CNTNAP3B: variants seen among roughly 807,000 people sequenced by gnomAD.
The protein encoded by CNTNAP3B is contactin-associated protein-like 3B.
CNTNAP3B carries 25 observed loss-of-function variants against 108.9 expected under a neutral mutation model. The observed-to-expected ratio is 0.23, with a 90% CI of 0.17 to 0.32. The LOEUF is 0.32. CNTNAP3B is among the 10% of genes least tolerant of loss of function. The pLI is 1.00. For missense variants in CNTNAP3B, 252 were observed against 1,210.4 expected, an observed-to-expected ratio of 0.21 and a Z score of 11.75; for synonymous variants, 103 against 473.4, an observed-to-expected ratio of 0.22 and a Z score of 10.16.
chr9:42,011,955 G>A (rs1474297651), intron 4 of CNTNAP3B, among the ~76,000 whole-genome samples: 1 of 97,676 alleles, frequency 1.0e-5, no homozygotes, highest in Non-Finnish European at 2.2e-5. Context: ...GTCCCTTACA[G>A]CCAACAGCAT....
At chr9:41,915,875 G>A (rs920100861) in intron 18 of CNTNAP3B, among the ~76,000 whole-genome samples, 70 of 151,164 alleles carry the variant, frequency 4.6e-4, no homozygotes, top group African/African-American at 1.6e-3. Context: ...TATACTTCAT[G>A]ACAATGTTTT....
chr9:42,116,094 C>G (rs1391866784), intron 1 of CNTNAP3B, among the ~76,000 whole-genome samples: 1 of 139,368 alleles, frequency 7.2e-6, no homozygotes, highest in East Asian at 2.2e-4. Context: ...AGTAGCCAAT[C>G]CGATCAACTG....
At chr9:42,121,283 T>A (rs1293928072) in intron 1 of CNTNAP3B, among the ~76,000 whole-genome samples, 5 of 139,084 alleles carry the variant, frequency 3.6e-5, no homozygotes, top group Non-Finnish European at 6.2e-5. Flanking sequence ...TTTGGTGGAT[T>A]TTTCTTCTCT....
In CNTNAP3B at chr9:42,090,883, G is replaced by A. The variant is rs1215429454; in HGVS notation, c.196+13746C>T. ...CACACACACATACATTCAGCTTCAG[G>A]AAAACTGGTGCCATTACATAAAATA... On this transcript the variant is annotated intron_variant, in intron 2 of 23. Coordinates refer to ENST00000377561, the MANE Select transcript of CNTNAP3B (RefSeq NM_001201380.3). Among the ~76,000 whole-genome samples, 7 of 83,724 alleles carry A rather than the reference G, an allele frequency of 8.4e-5. 1 individual carries two copies. The Admixed American group carries it at 9.6e-4, about 11-fold the overall frequency. 54.9% of individuals were successfully genotyped at this position (83,724 alleles called of 152,430 possible). A position where few individuals can be genotyped will look rare whatever the true frequency, so the allele number is the denominator to read the frequency against.
intron 12 of CNTNAP3B, among the ~76,000 whole-genome samples, chr9:41,956,599 G>A (rs1824868429): frequency 1.3e-5 from 2 of 149,748 alleles, no homozygotes; most frequent in East Asian, 2.0e-4. Context: ...AAGATCCACT[G>A]TGTTCTGTTG....
intron 2 of CNTNAP3B, among the ~76,000 whole-genome samples, chr9:42,090,840 T>TACAC (rs200483365): frequency 1.2e-4 from 9 of 75,306 alleles, no homozygotes; most frequent in African/African-American, 4.1e-4. Flanking sequence ...TGCAACTGAA[T>TACAC]ACACACACAC....
intron 3 of CNTNAP3B, among the ~76,000 whole-genome samples, chr9:42,067,602 CA>C (rs1282681798): frequency 6.6e-6 from 1 of 151,468 alleles, no homozygotes; most frequent in Non-Finnish European, 1.5e-5. Flanking sequence ...CAACTTTATA[CA>C]TAGTTTATAA....
chr9:41,990,243 T>C lies in CNTNAP3B; in HGVS notation c.1333+1367A>G, dbSNP rs1400704981. ...TCCCTAACACTGGTTCTCTCATCAA[T>C]GAGTTAAAGAAAATCTCTGACATGT... On this transcript the variant is annotated intron_variant, in intron 8 of 23. Transcript: ENST00000377561. Among the ~76,000 whole-genome samples, 3 of 136,986 alleles carry C rather than the reference T, an allele frequency of 2.2e-5. 1 individual carries two copies. In the Admixed American group the frequency reaches 2.2e-4, roughly 10 times the overall value. 89.9% of individuals were successfully genotyped at this position (136,986 alleles called of 152,430 possible).
chr9:42,107,825 A>C (rs1471826663), intron 1 of CNTNAP3B, among the ~76,000 whole-genome samples: 1 of 132,370 alleles, frequency 7.6e-6, no homozygotes, highest in Non-Finnish European at 1.6e-5. Context: ...AATACAAAAA[A>C]TTAGCTGGGC....
chr9:42,060,667 TA>T (rs1361985844), intron 3 of CNTNAP3B, among the ~76,000 whole-genome samples: 4 of 131,576 alleles, frequency 3.0e-5, no homozygotes, highest in Admixed American at 1.5e-4. Context: ...TTTATTTAAT[TA>T]GAGCTTTTTA....
At position 42,111,509 on chromosome 9, in the gene CNTNAP3B, C is replaced by T. The variant is rs538553347; in HGVS notation, c.86-6770G>A. On this transcript the variant is annotated intron_variant, in intron 1 of 23. Coordinates refer to ENST00000377561, the MANE Select transcript of CNTNAP3B (RefSeq NM_001201380.3). ...GCCTGAAGCTAAGGCATAGACAGAG[C>T]TGCCCAAGAATGAGGCCAGTTGTAG... 5.8e-5 allele frequency among the ~76,000 whole-genome samples: 8 copies of T among 138,442 alleles called. 1 individual carries two copies. In the South Asian group the frequency reaches 1.9e-3, roughly 32 times the overall value. 90.8% of individuals were successfully genotyped at this position (138,442 alleles called of 152,430 possible). A position where few individuals can be genotyped will look rare whatever the true frequency, so the allele number is the denominator to read the frequency against.
At chr9:42,095,793 TC>T (rs1471556690) in intron 2 of CNTNAP3B, among the ~76,000 whole-genome samples, 1 of 136,162 alleles carries the variant, frequency 7.3e-6, no homozygotes, top group African/African-American at 3.0e-5. Context: ...TTCTTTTACT[TC>T]CCCTTCATCC....
intron 1 of CNTNAP3B, among the ~76,000 whole-genome samples, chr9:42,107,825 A>G (rs1471826663): frequency 7.6e-6 from 1 of 132,262 alleles, no homozygotes. Flanking sequence ...AATACAAAAA[A>G]TTAGCTGGGC....
At chr9:41,948,241 G>A (rs1293552221) in intron 13 of CNTNAP3B, among the ~76,000 whole-genome samples, 2 of 145,734 alleles carry the variant, frequency 1.4e-5, no homozygotes, top group Admixed American at 7.0e-5. Context: ...ATAGGTGTGT[G>A]CCACCACACC....
At position 42,018,743 on chromosome 9, in the gene CNTNAP3B, C is replaced by T. The variant is rs571758665; in HGVS notation, c.391-5218G>A. 9.2e-5 allele frequency among the ~76,000 whole-genome samples: 14 copies of T among 151,724 alleles called. No homozygotes were observed. In the South Asian group the frequency reaches 1.9e-3, roughly 20 times the overall value. ...TACATCATATGATGAACACAGGCTGCGAAGCTGGAGAGACCTGGGTCTGAG... is the reference window on the plus strand; with the variant it reads ...TACATCATATGATGAACACAGGCTGTGAAGCTGGAGAGACCTGGGTCTGAG... On this transcript the variant is annotated intron_variant, in intron 3 of 23. Transcript: ENST00000377561.
chr9:41,920,693 T>C (rs1445751219), intron 17 of CNTNAP3B, among the ~76,000 whole-genome samples: 1 of 152,310 alleles, frequency 6.6e-6, no homozygotes, highest in Admixed American at 6.5e-5. Flanking sequence ...TATTTTAATT[T>C]CTTTATGAAT....
chr9:41,926,090 A>T (rs1293369771), intron 15 of CNTNAP3B, among the ~76,000 whole-genome samples: 3 of 152,278 alleles, frequency 2.0e-5, no homozygotes, highest in Non-Finnish European at 4.4e-5. Context: ...GTTATCTATT[A>T]TGTATATTAA....
At chr9:42,109,243 C>A (rs1449916150) in intron 1 of CNTNAP3B, among the ~76,000 whole-genome samples, 2 of 141,274 alleles carry the variant, frequency 1.4e-5, no homozygotes, top group Non-Finnish European at 3.1e-5. Flanking sequence ...AGGAAATAAA[C>A]AGAAGAGCAA....
At chr9:41,932,740 G>A (rs1227221307) in intron 14 of CNTNAP3B, among the ~76,000 whole-genome samples, 3 of 151,924 alleles carry the variant, frequency 2.0e-5, no homozygotes, top group South Asian at 2.1e-4. Flanking sequence ...GGCTGGTCTC[G>A]AACTTCTGAC....
Sources: gnomAD v4.1 joint callset for allele counts (sites outside exome capture counted in the v4.1 genomes callset) on GRCh38, gnomAD v4.1.1 for gene constraint, MANE v1.5 for transcripts, NCBI Gene and HGNC (gene_info 2026-07-23, HGNC 2026-07-21) for gene names.